FILIP1L: variants seen among roughly 807,000 people sequenced by gnomAD.
FILIP1L encodes the protein filamin A interacting protein 1 like.
In FILIP1L, 55 loss-of-function variants were observed where a neutral mutation model predicts 96.6. The ratio of observed to expected loss-of-function variants is 0.57; its 90% confidence interval spans 0.46 to 0.71. FILIP1L has a LOEUF of 0.71. FILIP1L is among the 30% of genes least tolerant of loss of function. The pLI, the probability that FILIP1L is intolerant of heterozygous loss-of-function variation, is 0.00. For missense variants in FILIP1L, 1,304 were observed against 1,321.2 expected, an observed-to-expected ratio of 0.99 and a Z score of 0.20; for synonymous variants, 467 against 473.9, an observed-to-expected ratio of 0.99 and a Z score of 0.19.
intron 1 of FILIP1L, among the ~76,000 whole-genome samples, chr3:99,998,745 A>G (rs1262067225): frequency 1.3e-5 from 2 of 152,010 alleles, no homozygotes; most frequent in African/African-American, 4.8e-5. Context: ...TTGTTTTTGT[A>G]TTTTTAGTAG....
chr3:99,920,228 G>A (rs1707082830), intron 4 of FILIP1L, among the ~76,000 whole-genome samples: 1 of 151,960 alleles, frequency 6.6e-6, no homozygotes, highest in African/African-American at 2.4e-5. Context: ...AGAATTCTAA[G>A]AAAGAATGCA....
chr3:99,832,391 C>T (rs1281285982), intron 5 of FILIP1L, among the ~76,000 whole-genome samples: 6 of 150,918 alleles, frequency 4.0e-5, no homozygotes, highest in Admixed American at 6.6e-5. Context: ...CCACCACGCC[C>T]GGCTAATTTT....
intron 4 of FILIP1L, among the ~76,000 whole-genome samples, chr3:99,857,631 GT>G (rs1428851802): frequency 6.6e-6 from 1 of 152,196 alleles, no homozygotes; most frequent in African/African-American, 2.4e-5. Flanking sequence ...TTCACAGATT[GT>G]TTTGCAGTTT....
At chr3:99,937,985 A>T (rs1470153229) in intron 1 of FILIP1L, among the ~76,000 whole-genome samples, 2 of 152,242 alleles carry the variant, frequency 1.3e-5, no homozygotes, top group African/African-American at 4.8e-5. Context: ...CTCATAAGAG[A>T]TAGCAAAGAC....
chr3:100,078,566 C>T (rs965304809), intron 1 of FILIP1L, among the ~76,000 whole-genome samples: 1 of 151,858 alleles, frequency 6.6e-6, no homozygotes, highest in Non-Finnish European at 1.5e-5. Context: ...TAAAATACAC[C>T]AACACTAGCG....
chr3:99,979,123 A>T (rs1709049181), intron 1 of FILIP1L, among the ~76,000 whole-genome samples: 1 of 152,208 alleles, frequency 6.6e-6, no homozygotes, highest in African/African-American at 2.4e-5. Flanking sequence ...AGAAATGATA[A>T]ATGTTTGAGG....
At chr3:99,895,742 C>T (rs949258756) in intron 4 of FILIP1L, among the ~76,000 whole-genome samples, 1 of 152,170 alleles carries the variant, frequency 6.6e-6, no homozygotes, top group Non-Finnish European at 1.5e-5. Flanking sequence ...AAAACCTCTT[C>T]CTTTTAACTA....
chr3:99,988,687 A>C (rs1279745864), intron 1 of FILIP1L, among the ~76,000 whole-genome samples: 1 of 152,216 alleles, frequency 6.6e-6, no homozygotes, highest in African/African-American at 2.4e-5. Context: ...ACAAAAAAGA[A>C]ATTAACCCTT....
At chr3:99,915,271 T>TC (rs927384624) in intron 4 of FILIP1L, among the ~76,000 whole-genome samples, 1 of 152,188 alleles carries the variant, frequency 6.6e-6, no homozygotes, top group Non-Finnish European at 1.5e-5. Flanking sequence ...AGCCAACTTT[T>TC]CCTACATTTC....
intron 1 of FILIP1L, among the ~76,000 whole-genome samples, chr3:100,107,236 G>A (rs1261056086): frequency 6.6e-6 from 1 of 152,152 alleles, no homozygotes; most frequent in Non-Finnish European, 1.5e-5. Flanking sequence ...CTGTCCAGAT[G>A]TAGATGGGAA....
chr3:100,071,234 C>T (rs543315101), intron 1 of FILIP1L, among the ~76,000 whole-genome samples: 4 of 151,088 alleles, frequency 2.6e-5, no homozygotes, highest in African/African-American at 9.7e-5. Context: ...TCCTGATTTT[C>T]TCTTACTCAC....
At chr3:99,862,224 A>C (rs889472130) in intron 4 of FILIP1L, among the ~76,000 whole-genome samples, 1 of 152,212 alleles carries the variant, frequency 6.6e-6, no homozygotes, top group Non-Finnish European at 1.5e-5. Context: ...AAAAAATCAA[A>C]TCAAATAAAA....
At chr3:99,923,700 G>A (rs1309616226) in intron 4 of FILIP1L, among the ~76,000 whole-genome samples, 2 of 151,934 alleles carry the variant, frequency 1.3e-5, no homozygotes, top group South Asian at 2.1e-4. Context: ...TCCCTTAATC[G>A]TTCTTTAGGA....
intron 3 of FILIP1L, among the ~76,000 whole-genome samples, chr3:99,924,658 A>G (rs546800811): frequency 5.9e-5 from 9 of 152,180 alleles, no homozygotes; most frequent in Non-Finnish European, 1.2e-4. Context: ...AGCTGGGATT[A>G]CAGGCATGCG....
intron 1 of FILIP1L, among the ~76,000 whole-genome samples, chr3:99,998,401 A>G (rs1576630429): frequency 6.6e-6 from 1 of 152,320 alleles, no homozygotes; most frequent in African/African-American, 2.4e-5. Context: ...TTTGTATACC[A>G]ACACATTCTT....
chr3:100,017,363 G>A (rs946923769), intron 1 of FILIP1L, among the ~76,000 whole-genome samples: 2 of 152,156 alleles, frequency 1.3e-5, no homozygotes, highest in Admixed American at 6.5e-5. Context: ...TGATGACCAT[G>A]CTAATCACTC....
intron 1 of FILIP1L, among the ~76,000 whole-genome samples, chr3:100,057,883 A>G (rs763798286): frequency 3.0e-4 from 45 of 152,174 alleles, no homozygotes; most frequent in African/African-American, 9.7e-4. Context: ...TCCAACTTCT[A>G]TGTATTCCTC....
intron 4 of FILIP1L, among the ~76,000 whole-genome samples, chr3:99,855,312 T>C (rs1411976510): frequency 6.6e-6 from 1 of 152,192 alleles, no homozygotes; most frequent in Admixed American, 6.5e-5. Context: ...AGCTACATTT[T>C]CATGCAAAAA....
intron 1 of FILIP1L, among the ~76,000 whole-genome samples, chr3:99,983,234 T>C (rs957641083): frequency 6.6e-6 from 1 of 151,190 alleles, no homozygotes; most frequent in African/African-American, 2.4e-5. Context: ...AGCACTGATA[T>C]AAAGAAATGG....
Sources: gnomAD v4.1 joint callset for allele counts (sites outside exome capture counted in the v4.1 genomes callset) on GRCh38, gnomAD v4.1.1 for gene constraint, MANE v1.5 for transcripts, NCBI Gene and HGNC (gene_info 2026-07-23, HGNC 2026-07-21) for gene names.